The following ART3 variants were observed in gnomAD, a reference collection of about 807,000 sequenced individuals.
The protein encoded by ART3 is ecto-ADP-ribosyltransferase 3.
A neutral mutation model predicts 48.5 loss-of-function variants in ART3; 49 were observed. The ratio of observed to expected loss-of-function variants is 1.01; its 90% CI spans 0.80 to 1.28. The LOEUF is 1.28. ART3 is among the 50% of genes most tolerant of loss of function. The pLI, the probability that ART3 is intolerant of heterozygous loss-of-function variation, is 0.00. For missense variants in ART3, 438 were observed against 454.3 expected (o/e 0.96, Z 0.33); for synonymous variants, 145 against 157.2 (o/e 0.92, Z 0.58).
At chr4:76,057,122 T>C (rs1244056849) in intron 1 of ART3, among the ~76,000 whole-genome samples, 2 of 152,200 alleles carry the variant, frequency 1.3e-5, no homozygotes, top group East Asian at 1.9e-4. Context: ...TACAAAATTA[T>C]GTTTTCTTTT....
chr4:76,097,609 T>C (rs1486945091), intron 3 of ART3, 35 bp from the exon 4 acceptor site: 6 of 1,555,360 alleles, frequency 3.9e-6, no homozygotes, highest in Admixed American at 1.7e-5. Context: ...GGGTATATTA[T>C]GTCTAACTAA....
chr4:76,100,776 G>A lies in ART3; in HGVS notation c.878-19G>A. 6.2e-7 allele frequency: 1 copy of A among 1,608,096 alleles called. No individual in the cohort carries two copies. Among genetic ancestry groups the A allele is most frequent in the Non-Finnish European group, 8.5e-7 (1 of 1,178,586 alleles). On this transcript the variant is annotated intron_variant, in intron 6 of 11. Transcript: ENST00000355810. ...TTTGTTCCTTCGTTAAAACTGATGA[G>A]CTTCTTTTTGTGACTCAGGTGAGAA...
In ART3 at chr4:76,045,487, C is replaced by T. The variant is rs577858012; in HGVS notation, c.-9-30394C>T. ...ATTTTGATAGCCTCTGACGCTAAGA[C>T]AGCCGCTGCTGCAACTACCCTTAAA... is the stretch of plus-strand genomic sequence containing the variant. On this transcript the variant is annotated intron_variant, in intron 1 of 9. Coordinates refer to the ART3 transcript ENST00000341029. Among the ~76,000 whole-genome samples, 189 of 152,088 alleles carry T rather than the reference C, an allele frequency of 1.2e-3. 1 individual carries two copies. Among genetic ancestry groups the T allele is most frequent in the African/African-American group, 4.2e-3 (176 of 41,520 alleles).
At chr4:76,047,539 A>C (rs1168570415) in intron 1 of ART3, among the ~76,000 whole-genome samples, 2 of 151,882 alleles carry the variant, frequency 1.3e-5, no homozygotes, top group Non-Finnish European at 2.9e-5. Context: ...CCTTTCCCTG[A>C]GTTATGGCGG....
chr4:76,013,299 AGAGTGAATAATGGAGT>A (rs1479166552), intron 1 of ART3, among the ~76,000 whole-genome samples: 58 of 152,354 alleles, frequency 3.8e-4, no homozygotes, highest in African/African-American at 1.3e-3. Flanking sequence ...GGTGGACGGT[AGAGTGAATAATGGAGT>A]GGTGAGAAAT....
At chr4:76,091,076 A>C (rs531066947) in intron 3 of ART3, among the ~76,000 whole-genome samples, 10 of 152,352 alleles carry the variant, frequency 6.6e-5, no homozygotes, top group African/African-American at 1.9e-4. Context: ...GTGTTGTTGC[A>C]TGTATCAATA....
At chr4:76,099,065 G>T in intron 5 of ART3, 78 bp downstream of exon 5, 5 of 1,327,852 alleles carry the variant, frequency 3.8e-6, no homozygotes, top group Non-Finnish European at 5.4e-6. Flanking sequence ...GCTTTGGAAG[G>T]CCGAGGTGAG....
rs1214607185 is a variant in ART3, at chr4:76,112,463, G to A, written c.1114G>A (p.Gly372Arg). 4 of 1,614,100 alleles carry A rather than the reference G, an allele frequency of 2.5e-6. No individual in the cohort carries two copies. In the East Asian group the frequency reaches 8.9e-5, roughly 36 times the overall value. Residue 372 changes from glycine to arginine, a missense_variant, in exon 12 of 12, where the codon GGG (glycine) becomes AGG (arginine). Around this residue, in one of 3 missense-constraint regions of ART3, gnomAD observed 227 missense variants for 229.6 expected, o/e 0.99. Coordinates refer to ENST00000355810, the MANE Select transcript of ART3 (RefSeq NM_001130016.3). ...GGGCAAACTGCTGCTTCCACAGTTT[G>A]GGATGGTCATCATTTTAATCAGTGT... Reference protein sequence around the residue: ...SSGKLLLPQFGMVIILISVSA... With the variant: ...SSGKLLLPQFRMVIILISVSA...
chr4:76,078,280 C>T (rs56252973), intron 2 of ART3, among the ~76,000 whole-genome samples: 1,873 of 152,030 alleles, frequency 0.012, 45 homozygotes, highest in African/African-American at 0.042. Context: ...TAAAATTAGA[C>T]ATTTGGAGAC....
At chr4:76,022,783 G>A in intron 1 of ART3, 1 of 1,612,448 alleles carries the variant, frequency 6.2e-7, no homozygotes, top group Admixed American at 1.7e-5. Flanking sequence ...TAATGCTGAT[G>A]CAGGTACAGC....
At chr4:76,067,307 ATCT>A (rs1297673265) in intron 1 of ART3, among the ~76,000 whole-genome samples, 1 of 152,176 alleles carries the variant, frequency 6.6e-6, no homozygotes, top group Non-Finnish European at 1.5e-5. Flanking sequence ...CCAGTTTATG[ATCT>A]TCTTTAAGAA....
intron 1 of ART3, among the ~76,000 whole-genome samples, chr4:76,045,562 C>A (rs975069807): frequency 6.6e-6 from 1 of 152,026 alleles, no homozygotes; most frequent in Non-Finnish European, 1.5e-5. Flanking sequence ...CTTAGGTATG[C>A]CACTGGTTGT....
chr4:76,079,135 A>G (rs1721851400), intron 2 of ART3, among the ~76,000 whole-genome samples: 1 of 145,674 alleles, frequency 6.9e-6, no homozygotes, highest in Non-Finnish European at 1.5e-5. Context: ...TCAAATTCCA[A>G]TTCCATGTAA....
intron 3 of ART3, among the ~76,000 whole-genome samples, chr4:76,088,413 G>A (rs948764645): frequency 6.6e-6 from 1 of 152,118 alleles, no homozygotes; most frequent in African/African-American, 2.4e-5. Context: ...GAAAGGAGGA[G>A]CCTGTAGACT....
chr4:76,038,160 T>C (rs1734613758), intron 1 of ART3, among the ~76,000 whole-genome samples: 1 of 152,214 alleles, frequency 6.6e-6, no homozygotes, highest in African/African-American at 2.4e-5. Flanking sequence ...CATTTTATCA[T>C]TTCACAGCAT....
intron 2 of ART3, among the ~76,000 whole-genome samples, chr4:76,081,608 C>G (rs1361587726): frequency 6.6e-6 from 1 of 152,120 alleles, no homozygotes; most frequent in Non-Finnish European, 1.5e-5. Context: ...TACCTCTCAC[C>G]CACTGACATT....
intron 1 of ART3, 77 bp from the exon 2 acceptor site, chr4:76,075,804 C>A: frequency 9.4e-7 from 1 of 1,068,430 alleles, no homozygotes; most frequent in Non-Finnish European, 1.4e-6. Context: ...TGAAAAAATA[C>A]GCAGTGTCAT....
At chr4:76,096,071 C>G (rs1312776420) in intron 3 of ART3, among the ~76,000 whole-genome samples, 1 of 152,142 alleles carries the variant, frequency 6.6e-6, no homozygotes, top group East Asian at 1.9e-4. Flanking sequence ...TATAGGCACG[C>G]ACCATCACGC....
At position 76,040,442 on chromosome 4, in the gene ART3, A is replaced by ACACACACACACG. The variant is rs1553926427; in HGVS notation, c.-10+29133_-10+29134insGCACACACACAC. On this transcript the variant is annotated intron_variant, in intron 1 of 9. Transcript: ENST00000341029. ...GGATACGCACATACACTGGATACACACACACACACACACACACACACACAC... is the reference window on the plus strand; with the variant it reads ...GGATACGCACATACACTGGATACACACACACACACACGCACACACACACACACACACACACAC... 2.2e-4 allele frequency among the ~76,000 whole-genome samples: 25 copies of ACACACACACACG among 115,610 alleles called. No homozygotes were observed. The East Asian group carries it at 5.3e-3, about 25-fold the overall frequency. The allele number at this position is 115,610 out of a possible 152,430, so 75.8% of individuals were successfully genotyped here.
Sources: allele counts gnomAD v4.1 joint callset (sites outside exome capture counted in the v4.1 genomes callset), GRCh38; gene constraint gnomAD v4.1.1; regional missense constraint gnomAD v4.1.1; transcripts MANE v1.5; gene names NCBI Gene and HGNC (gene_info 2026-07-23, HGNC 2026-07-21).